EXOC4: variants seen among roughly 807,000 people sequenced by gnomAD.
EXOC4 encodes exocyst complex component 4.
EXOC4 carries 71 observed loss-of-function variants against 107.2 expected under a neutral mutation model. The ratio of observed to expected loss-of-function variants is 0.66; its 90% CI spans 0.55 to 0.81. EXOC4 has a LOEUF of 0.81. EXOC4 is among the 30% of genes least tolerant of loss of function. The pLI, the probability that EXOC4 is intolerant of heterozygous loss-of-function variation, is 0.00. For missense variants in EXOC4, 1,108 were observed against 1,189.6 expected (o/e 0.93, Z 1.01); for synonymous variants, 456 against 441.2 (o/e 1.03, Z -0.42).
chr7:133,441,081 G>A (rs1227507953), intron 7 of EXOC4, among the ~76,000 whole-genome samples: 2 of 152,144 alleles, frequency 1.3e-5, no homozygotes, highest in African/African-American at 2.4e-5. Context: ...TATTTCAGAA[G>A]TTTTAACATC....
At chr7:133,839,582 A>G (rs980573875) in intron 11 of EXOC4, among the ~76,000 whole-genome samples, 5 of 152,220 alleles carry the variant, frequency 3.3e-5, no homozygotes, top group African/African-American at 1.2e-4. Context: ...TTGGTAGTCA[A>G]TAAAGAATGA....
chr7:133,533,027 G>A (rs76588103), intron 9 of EXOC4, among the ~76,000 whole-genome samples: 1,685 of 152,170 alleles, frequency 0.011, 16 homozygotes, highest in Non-Finnish European at 0.019. Flanking sequence ...AGTAATTGAA[G>A]ATTTGCCTGT....
intron 7 of EXOC4, among the ~76,000 whole-genome samples, chr7:133,449,544 G>T (rs1798292589): frequency 6.6e-6 from 1 of 152,030 alleles, no homozygotes; most frequent in African/African-American, 2.4e-5. Flanking sequence ...TTGCTCCTTA[G>T]TCTTCTCACA....
intron 1 of EXOC4, among the ~76,000 whole-genome samples, chr7:133,260,433 C>T (rs541142625): frequency 6.6e-6 from 1 of 152,166 alleles, no homozygotes; most frequent in East Asian, 1.9e-4. Flanking sequence ...GCCACCACAC[C>T]CGGCTAATTT....
At chr7:133,296,459 A>G (rs753978585) in intron 3 of EXOC4, among the ~76,000 whole-genome samples, 2 of 152,086 alleles carry the variant, frequency 1.3e-5, no homozygotes, top group Admixed American at 1.3e-4. Context: ...CTTGCCTTCA[A>G]AAAGATTTAG....
chr7:133,422,683 A>G (rs925588216), intron 7 of EXOC4, among the ~76,000 whole-genome samples: 2 of 152,222 alleles, frequency 1.3e-5, no homozygotes, highest in African/African-American at 4.8e-5. Context: ...TCAGAATGAC[A>G]TTCAACTTAG....
At chr7:133,480,311 T>C in intron 9 of EXOC4, 173 bp downstream of exon 9, 4 of 1,440,686 alleles carry the variant, frequency 2.8e-6, no homozygotes, top group South Asian at 2.8e-5. Context: ...CAGGTAAAAC[T>C]ATTACTGTGG....
rs751143671 is a variant in EXOC4, at chr7:133,475,358, A to T, written c.1213A>T (p.Asn405Tyr). The T allele has an allele frequency of 6.2e-7, 1 of 1,613,816 alleles. No homozygotes were observed. The highest frequency in any genetic ancestry group is 1.7e-5 in the Admixed American group (1 of 60,022). The stretch of plus-strand genomic sequence containing the variant: ...ATTAACTGAGTACTTGGATATGAAA[A>T]ATACTCGTACGGCCTCTGAACCATC... ...MLLTEYLDMK[N>Y]TRTASEPSAQ... is the part of the protein sequence containing the mutation. The change falls in exon 8 of 18, where the codon AAT (asparagine) becomes TAT (tyrosine). Residue 405 changes from asparagine (N) to tyrosine (Y), a missense_variant. Transcript: ENST00000253861.
At chr7:133,834,557 G>T (rs1253488680) in intron 11 of EXOC4, among the ~76,000 whole-genome samples, 1 of 152,182 alleles carries the variant, frequency 6.6e-6, no homozygotes, top group Non-Finnish European at 1.5e-5. Flanking sequence ...AAGTAAAATT[G>T]TTTTTCTAAG....
At chr7:133,416,208 A>G (rs1797472075) in intron 7 of EXOC4, among the ~76,000 whole-genome samples, 1 of 152,176 alleles carries the variant, frequency 6.6e-6, no homozygotes, top group Non-Finnish European at 1.5e-5. Context: ...TTGTCAGTGA[A>G]TTGAAGGAGA....
intron 10 of EXOC4, among the ~76,000 whole-genome samples, chr7:133,754,263 G>A (rs1047611182): frequency 6.6e-6 from 1 of 152,200 alleles, no homozygotes; most frequent in Non-Finnish European, 1.5e-5. Flanking sequence ...GCCTTTCTCT[G>A]AGCTAGAGAC....
intron 6 of EXOC4, among the ~76,000 whole-genome samples, chr7:133,369,121 CTTGTG>C (rs1217721539): frequency 6.6e-6 from 1 of 152,180 alleles, no homozygotes; most frequent in African/African-American, 2.4e-5. Flanking sequence ...CTTTCTCAAT[CTTGTG>C]TTGTGGGCAG....
At chr7:133,267,076 C>T (rs537500062) in intron 1 of EXOC4, among the ~76,000 whole-genome samples, 2 of 152,308 alleles carry the variant, frequency 1.3e-5, no homozygotes, top group African/African-American at 4.8e-5. Flanking sequence ...CCCACTTTCT[C>T]ATTTGTATTT....
At chr7:133,561,061 T>G (rs535777174) in intron 9 of EXOC4, among the ~76,000 whole-genome samples, 7 of 152,182 alleles carry the variant, frequency 4.6e-5, no homozygotes, top group Non-Finnish European at 7.3e-5. Context: ...ACAGTCATTA[T>G]GTACCTGGTT....
rs183441634 is a variant in EXOC4 at position 134,064,460 on chromosome 7, A to C, written c.2857A>C (p.Lys953Gln). Residue 953 changes from lysine to glutamine, a missense_variant, in exon 18 of 18, where the codon AAA (lysine) becomes CAA (glutamine). By Grantham distance (53) the Lys-to-Gln change is moderately conservative. Transcript: ENST00000253861. ...TTQNTRLQRLKEIICEQAAIK... is the reference protein window; with the variant it reads ...TTQNTRLQRLQEIICEQAAIK... ...CCAGAACACGAGGCTGCAGAGGCTC[A>C]AAGAGATCATCTGCGAGCAGGCTGC... The C allele has an allele frequency of 2.8e-5, 45 of 1,608,778 alleles. No individual in the cohort carries two copies. The East Asian group carries it at 9.6e-4, about 34-fold the overall frequency.
intron 7 of EXOC4, among the ~76,000 whole-genome samples, chr7:133,440,872 C>G (rs980520498): frequency 2.6e-5 from 4 of 152,162 alleles, no homozygotes; most frequent in Admixed American, 6.5e-5. Context: ...GCTATCAGCC[C>G]TTGGGGCAGC....
intron 10 of EXOC4, among the ~76,000 whole-genome samples, chr7:133,661,692 A>C (rs1793686770): frequency 1.3e-5 from 2 of 150,334 alleles, no homozygotes; most frequent in Admixed American, 6.6e-5. Flanking sequence ...AAAAAAACAA[A>C]AAAAAAAAAA....
At chr7:133,811,240 C>T (rs1797222667) in intron 10 of EXOC4, among the ~76,000 whole-genome samples, 1 of 152,154 alleles carries the variant, frequency 6.6e-6, no homozygotes, top group Admixed American at 6.5e-5. Flanking sequence ...TTTGACAGGG[C>T]TCCATCTGTG....
intron 10 of EXOC4, among the ~76,000 whole-genome samples, chr7:133,744,473 G>A (rs945676376): frequency 2.6e-5 from 4 of 152,124 alleles, no homozygotes; most frequent in Admixed American, 6.6e-5. Flanking sequence ...AGAAATGTAC[G>A]AAGCTGGTAT....
Sources: gnomAD v4.1 joint callset for allele counts (sites outside exome capture counted in the v4.1 genomes callset) on GRCh38, gnomAD v4.1.1 for gene constraint, MANE v1.5 for transcripts, NCBI Gene and HGNC (gene_info 2026-07-23, HGNC 2026-07-21) for gene names.